The following CDYL2 variants were observed in gnomAD, a reference collection of about 807,000 sequenced individuals.
CDYL2 encodes the protein chromodomain Y-like protein 2.
A neutral mutation model predicts 49.4 loss-of-function variants in CDYL2; 23 were observed. The observed-to-expected ratio is 0.47, with a 90% confidence interval of 0.34 to 0.66. The LOEUF (loss-of-function observed/expected upper bound fraction) is 0.66, where lower values mean the gene tolerates loss of function less well. CDYL2 is among the 30% of genes least tolerant of loss of function. The pLI is 0.01. For missense variants in CDYL2, 678 were observed against 656.4 expected, an observed-to-expected ratio of 1.03 and a Z score of -0.36; for synonymous variants, 360 against 268.8, an observed-to-expected ratio of 1.34 and a Z score of -3.32.
In CDYL2 at chr16:80,612,679, T is replaced by C. The variant is rs778854280; in HGVS notation, c.1165A>G (p.Thr389Ala). Residue 389 changes from threonine (T) to alanine (A), a missense_variant, in exon 5 of 7, where the codon ACG (threonine) becomes GCG (alanine). By Grantham distance (58) the Thr-to-Ala change is moderately conservative. Around this residue, in one of 3 missense-constraint regions of CDYL2, gnomAD observed 153 missense variants for 150.6 expected, o/e 1.02. Coordinates refer to ENST00000570137, the MANE Select transcript of CDYL2 (RefSeq NM_152342.4). This position sits in a 1 kb window ranked among gnomAD's most constrained non-coding sequence, Gnocchi z 5.0. ...FQTPYATIRL[T>A]PAGCSSYTFP... ...GTGTAGGAGGAGCAGCCAGCAGGCG[T>C]GAGGCGGATGGTGGCGTAGGGCGTC... The C allele has an allele frequency of 6.2e-7, 1 of 1,613,112 alleles. No individual in the cohort carries two copies. The highest frequency in any genetic ancestry group is 2.2e-5 in the East Asian group (1 of 44,866).
chr16:80,632,225 T>C (rs1405925444), intron 3 of CDYL2, among the ~76,000 whole-genome samples: 3 of 152,210 alleles, frequency 2.0e-5, no homozygotes, highest in African/African-American at 7.2e-5. Flanking sequence ...CAATGGAATA[T>C]TATTTAGCCA....
intron 1 of CDYL2, among the ~76,000 whole-genome samples, chr16:80,754,938 G>A (rs547169520): frequency 7.0e-4 from 106 of 152,164 alleles, no homozygotes; most frequent in Non-Finnish European, 1.4e-3. Context: ...GATTTACGAG[G>A]GGAAATATCA....
intron 2 of CDYL2, among the ~76,000 whole-genome samples, chr16:80,662,907 T>C (rs1909106036): frequency 6.6e-6 from 1 of 152,066 alleles, no homozygotes; most frequent in African/African-American, 2.4e-5. Flanking sequence ...TAGTTATTCA[T>C]ATACCTTCAG....
intron 3 of CDYL2, chr16:80,632,806 A>C: frequency 1.9e-6 from 1 of 532,806 alleles, no homozygotes; most frequent in South Asian, 2.1e-5. Flanking sequence ...GTCTTCATCC[A>C]TAAGATGAGA....
At chr16:80,609,196 G>A (rs1302746924) in intron 5 of CDYL2, among the ~76,000 whole-genome samples, 1 of 152,196 alleles carries the variant, frequency 6.6e-6, no homozygotes, top group Non-Finnish European at 1.5e-5. Context: ...GTCCTGCACA[G>A]ACAGAGAACA....
At chr16:80,641,388 G>C (rs147619425) in intron 2 of CDYL2, among the ~76,000 whole-genome samples, 1 of 152,156 alleles carries the variant, frequency 6.6e-6, no homozygotes, top group African/African-American at 2.4e-5. Flanking sequence ...AGTATATCTG[G>C]TGAAAATCTC....
intron 1 of CDYL2, among the ~76,000 whole-genome samples, chr16:80,798,243 A>G (rs988400097): frequency 2.0e-5 from 3 of 151,996 alleles, no homozygotes; most frequent in Non-Finnish European, 4.4e-5. Context: ...GGGTTTCTCC[A>G]TGTCACCCAG....
intron 4 of CDYL2, among the ~76,000 whole-genome samples, chr16:80,620,433 C>A (rs928778101): frequency 1.3e-5 from 2 of 152,160 alleles, no homozygotes; most frequent in African/African-American, 2.4e-5. Flanking sequence ...CAACACATGG[C>A]CACTACCAGA....
Position 80,604,306 on chromosome 16 carries a change from C to T in CDYL2, c.*82G>A. 1.3e-6 allele frequency: 2 copies of T among 1,502,966 alleles called. No homozygotes were observed. Among genetic ancestry groups the T allele is most frequent in the Non-Finnish European group, 1.8e-6 (2 of 1,090,798 alleles). 93.1% of individuals were successfully genotyped at this position (1,502,966 alleles called of 1,614,324 possible). A position where few individuals can be genotyped will look rare whatever the true frequency, so the allele number is the denominator to read the frequency against. On this transcript the variant is annotated 3_prime_UTR_variant, in exon 7 of 7. Coordinates refer to ENST00000570137, the MANE Select transcript of CDYL2 (RefSeq NM_152342.4). ...GTATAAAGAGACACCTTGACAAACT[C>T]CTTGGCCGGGGCAGACACTGTGCTC...
At chr16:80,716,977 G>C (rs893237453) in intron 1 of CDYL2, among the ~76,000 whole-genome samples, 3 of 150,728 alleles carry the variant, frequency 2.0e-5, no homozygotes, top group Non-Finnish European at 2.9e-5. Flanking sequence ...TGAGTGGATA[G>C]ATGATTAGAT....
chr16:80,620,042 G>A (rs1170627283), intron 4 of CDYL2, among the ~76,000 whole-genome samples: 1 of 152,190 alleles, frequency 6.6e-6, no homozygotes, highest in African/African-American at 2.4e-5. Context: ...TGACTTGTCT[G>A]ATTCCTAAGC....
At chr16:80,720,035 A>G (rs1025613083) in intron 1 of CDYL2, among the ~76,000 whole-genome samples, 2 of 152,174 alleles carry the variant, frequency 1.3e-5, no homozygotes, top group African/African-American at 4.8e-5. Context: ...CCATGCCTTG[A>G]CACTGTAAAG....
At chr16:80,672,379 C>G (rs77681077) in intron 2 of CDYL2, among the ~76,000 whole-genome samples, 2,288 of 144,930 alleles carry the variant, frequency 0.016, 69 homozygotes, top group African/African-American at 0.054. Flanking sequence ...ATGAGTAGAA[C>G]AGGCTTTCCC....
chr16:80,643,884 G>A (rs147494097), intron 2 of CDYL2, among the ~76,000 whole-genome samples: 52 of 152,310 alleles, frequency 3.4e-4, no homozygotes, highest in African/African-American at 1.1e-3. Flanking sequence ...GGCAAACCCC[G>A]CAGACATCTT....
chr16:80,738,862 A>G (rs1199553481), intron 1 of CDYL2: 1 of 152,246 alleles, frequency 6.6e-6, no homozygotes, highest in Non-Finnish European at 1.5e-5. Context: ...AATGGAGATG[A>G]TGATAGTGGC....
chr16:80,790,909 A>T lies in CDYL2; in HGVS notation c.24+13241T>A, dbSNP rs550642344. ...AGACTCTCCAGAACAGTCCGGGAAG[A>T]TACAGTCTCTGTCTCATGTCCAACA... On this transcript the variant is annotated intron_variant, in intron 1 of 6. Coordinates refer to ENST00000570137, the MANE Select transcript of CDYL2 (RefSeq NM_152342.4). Among the ~76,000 whole-genome samples the T allele has an allele frequency of 1.8e-4, 27 of 152,330 alleles. No individual in the cohort carries two copies. In the East Asian group the frequency reaches 5.0e-3, roughly 28 times the overall value.
intron 1 of CDYL2, among the ~76,000 whole-genome samples, chr16:80,703,923 G>A (rs1371700192): frequency 6.6e-5 from 10 of 152,140 alleles, no homozygotes; most frequent in Admixed American, 6.5e-5. Flanking sequence ...GCCCAGCTGC[G>A]CAGGGTGGGT....
intron 1 of CDYL2, among the ~76,000 whole-genome samples, chr16:80,795,614 C>T (rs1261949305): frequency 1.3e-5 from 2 of 152,060 alleles, no homozygotes; most frequent in Admixed American, 1.3e-4. Flanking sequence ...CTCCACAACC[C>T]CCACCATTCA....
chr16:80,716,760 G>A (rs111209943), intron 1 of CDYL2, among the ~76,000 whole-genome samples: 1 of 152,070 alleles, frequency 6.6e-6, no homozygotes, highest in Non-Finnish European at 1.5e-5. Context: ...ATGATAGATG[G>A]ATGACTGGAT....
Sources: allele counts gnomAD v4.1 joint callset (sites outside exome capture counted in the v4.1 genomes callset), GRCh38; gene constraint gnomAD v4.1.1; regional missense constraint gnomAD v4.1.1; non-coding constraint Gnocchi (gnomAD v3.1); transcripts MANE v1.5; gene names NCBI Gene and HGNC (gene_info 2026-07-23, HGNC 2026-07-21).